The following OCA2 variants were observed in gnomAD, a reference collection of about 807,000 sequenced individuals.
OCA2 encodes P protein.
In OCA2, 77 loss-of-function variants were observed where a neutral mutation model predicts 100.2. That is an observed-to-expected ratio of 0.77 (90% CI 0.64 to 0.93). The LOEUF (loss-of-function observed/expected upper bound fraction) is 0.93, where lower values mean the gene tolerates loss of function less well. Ranked by LOEUF, OCA2 falls within the 40% of genes least tolerant of loss-of-function variation. The pLI, the probability that OCA2 is intolerant of heterozygous loss-of-function variation, is 0.00. For synonymous variants in OCA2, 432 were observed against 439.2 expected, an observed-to-expected ratio of 0.98 and a Z score of 0.21; for missense variants, 1,062 against 1,089.1, an observed-to-expected ratio of 0.98 and a Z score of 0.35.
intron 18 of OCA2, among the ~76,000 whole-genome samples, chr15:27,945,732 G>A (rs2039810770): frequency 6.6e-6 from 1 of 151,576 alleles, no homozygotes; most frequent in African/African-American, 2.4e-5. Flanking sequence ...CCATAATCAG[G>A]GAAATAATGA....
At chr15:28,096,654 G>A (rs1383414043) in intron 1 of OCA2, among the ~76,000 whole-genome samples, 1 of 152,190 alleles carries the variant, frequency 6.6e-6, no homozygotes, top group East Asian at 1.9e-4. Context: ...CCCTTCAGGT[G>A]GATTTTTCAA....
Position 27,991,765 on chromosome 15 carries a change from C to T in OCA2, c.1045-1118G>A, listed in dbSNP as rs115958817. Among the ~76,000 whole-genome samples the T allele has an allele frequency of 2.7e-3, 410 of 152,228 alleles. 2 individuals carry two copies. The highest frequency in any genetic ancestry group is 9.4e-3 in the African/African-American group (390 of 41,544). On this transcript the variant is annotated intron_variant, in intron 9 of 23. Coordinates refer to ENST00000354638, the MANE Select transcript of OCA2 (RefSeq NM_000275.3). ...ACAAAAAGAATGTGGCAAGAACAAG[C>T]GGAAAATTAAACGCTAGCATGCATT...
chr15:27,871,054 A>C (rs1321213222), intron 21 of OCA2, 100 bp downstream of exon 21: 2 of 883,064 alleles, frequency 2.3e-6, no homozygotes, highest in East Asian at 5.0e-5. Flanking sequence ...AGTGCAGCAG[A>C]GGGGCAGGCT....
intron 21 of OCA2, among the ~76,000 whole-genome samples, chr15:27,859,760 T>C (rs911643035): frequency 6.6e-6 from 1 of 152,172 alleles, no homozygotes; most frequent in Non-Finnish European, 1.5e-5. Flanking sequence ...AATTGGGATG[T>C]AGTCTATACC....
At position 28,018,574 on chromosome 15, in the gene OCA2, G is replaced by A; in HGVS notation, c.647-17C>T. ...GGTTCACGGCTCGGAGAGTGTCAAG[G>A]AGAACCACAAGGCAGACAGGAGAAA... is the stretch of plus-strand genomic sequence containing the variant. On this transcript the variant is annotated splice_polypyrimidine_tract_variant and intron_variant, in intron 6 of 23. Transcript: ENST00000354638. 2 of 1,610,512 alleles carry A rather than the reference G, an allele frequency of 1.2e-6. No individual in the cohort carries two copies. Among genetic ancestry groups the A allele is most frequent in the Non-Finnish European group, 1.7e-6 (2 of 1,179,172 alleles).
At chr15:28,086,444 A>G (rs2044777916) in intron 1 of OCA2, among the ~76,000 whole-genome samples, 2 of 152,208 alleles carry the variant, frequency 1.3e-5, no homozygotes, top group African/African-American at 2.4e-5. Flanking sequence ...TTCTAACCCT[A>G]TCTGGCAGCA....
intron 15 of OCA2, among the ~76,000 whole-genome samples, chr15:27,959,561 G>A (rs1220510667): frequency 6.6e-6 from 1 of 152,178 alleles, no homozygotes; most frequent in African/African-American, 2.4e-5. Context: ...TCACGGTGAA[G>A]GGCCACTTTC....
At chr15:27,992,621 TTTAA>T (rs998880729) in intron 9 of OCA2, among the ~76,000 whole-genome samples, 4 of 152,180 alleles carry the variant, frequency 2.6e-5, no homozygotes, top group African/African-American at 9.7e-5. Context: ...TTTTTTGATA[TTTAA>T]TTAAGTCTTC....
At chr15:27,947,620 G>A (rs1004994456) in intron 18 of OCA2, among the ~76,000 whole-genome samples, 5 of 152,314 alleles carry the variant, frequency 3.3e-5, no homozygotes, top group Non-Finnish European at 4.4e-5. Context: ...GCATGGCCTC[G>A]GCACATGCAG....
intron 18 of OCA2, among the ~76,000 whole-genome samples, chr15:27,935,128 A>C (rs1344178191): frequency 6.6e-6 from 1 of 152,232 alleles, no homozygotes; most frequent in Non-Finnish European, 1.5e-5. Context: ...GAAACATCCC[A>C]GTTTCCAGCT....
At chr15:28,001,941 G>C (rs1272872276) in intron 9 of OCA2, among the ~76,000 whole-genome samples, 3 of 152,212 alleles carry the variant, frequency 2.0e-5, no homozygotes, top group African/African-American at 7.2e-5. Flanking sequence ...TGGAGAGGCC[G>C]AGAGCTGCCG....
At chr15:27,726,799 G>A in the OCA2 span, among the ~76,000 whole-genome samples, 4,569 of 152,280 alleles carry the variant, frequency 0.03, 225 homozygotes, top group African/African-American at 0.1. Flanking sequence ...GCACTTGGCC[G>A]TCTGCTTCCA....
At position 27,933,711 on chromosome 15, in the gene OCA2, G is replaced by A. The variant is rs142287596; in HGVS notation, c.1952-7457C>T. Among the ~76,000 whole-genome samples, 775 of 152,298 alleles carry A rather than the reference G, an allele frequency of 5.1e-3. 9 individuals are homozygous for A. Among genetic ancestry groups the A allele is most frequent in the African/African-American group, 0.018 (741 of 41,550 alleles). ...AGAACATAAGACTCATTGTCCAGAA[G>A]AAGAATGTCATGAGGTCGATGGATC... On this transcript the variant is annotated intron_variant, in intron 18 of 23. Transcript: ENST00000354638.
chr15:27,967,674 C>T (rs2040619185), intron 14 of OCA2, among the ~76,000 whole-genome samples: 1 of 152,252 alleles, frequency 6.6e-6, no homozygotes, highest in South Asian at 2.1e-4. Context: ...AGCATGGGGA[C>T]CAGCCGCAGG....
chr15:27,986,891 T>G (rs990036364), intron 11 of OCA2, among the ~76,000 whole-genome samples: 2 of 152,186 alleles, frequency 1.3e-5, no homozygotes, highest in Non-Finnish European at 2.9e-5. Flanking sequence ...CAAGGCACAT[T>G]ACCATCCCAT....
At chr15:27,885,208 T>C (rs2037176329) in intron 19 of OCA2, among the ~76,000 whole-genome samples, 1 of 152,164 alleles carries the variant, frequency 6.6e-6, no homozygotes, top group Non-Finnish European at 1.5e-5. Context: ...AAGCCTGATT[T>C]AGGATTTGGC....
intron 19 of OCA2, among the ~76,000 whole-genome samples, chr15:27,924,423 C>G (rs1016237405): frequency 2.6e-5 from 4 of 151,924 alleles, no homozygotes; most frequent in African/African-American, 9.7e-5. Context: ...TCTTTTTTCT[C>G]TTAATATAAA....
chr15:27,826,313 G>C (rs1566996592), intron 23 of OCA2, among the ~76,000 whole-genome samples: 1 of 151,948 alleles, frequency 6.6e-6, no homozygotes, highest in Non-Finnish European at 1.5e-5. Flanking sequence ...GTTGATTGCA[G>C]TCTCATTTTA....
chr15:27,728,431 G>C, the OCA2 span, among the ~76,000 whole-genome samples: 1 of 151,730 alleles, frequency 6.6e-6, no homozygotes, highest in Non-Finnish European at 1.5e-5. Context: ...GAGCTGAGTC[G>C]TTTTATCAGC....
Sources: allele counts gnomAD v4.1 joint callset (sites outside exome capture counted in the v4.1 genomes callset), GRCh38; gene constraint gnomAD v4.1.1; transcripts MANE v1.5; gene names NCBI Gene and HGNC (gene_info 2026-07-23, HGNC 2026-07-21).